Variants in AMDHD2 observed in about 807,000 individuals in gnomAD.
AMDHD2 encodes amidohydrolase domain containing 2.
AMDHD2 carries 24 observed loss-of-function variants against 41.8 expected under a neutral mutation model. The ratio of observed to expected loss-of-function variants is 0.57; its 90% confidence interval spans 0.42 to 0.81. The LOEUF (loss-of-function observed/expected upper bound fraction) is 0.81. Ranked by LOEUF, AMDHD2 falls within the 30% of genes least tolerant of loss-of-function variation. AMDHD2 has a pLI of 0.00. For missense variants in AMDHD2, 540 were observed against 588.5 expected, an observed-to-expected ratio of 0.92 and a Z score of 0.85; for synonymous variants, 332 against 255.5, an observed-to-expected ratio of 1.30 and a Z score of -2.85.
At chr16:2,528,032 G>A (rs1334878830) in intron 5 of AMDHD2, 28 bp from the exon 6 acceptor site, 2 of 1,611,830 alleles carry the variant, frequency 1.2e-6, no homozygotes, top group Admixed American at 1.7e-5. Flanking sequence ...CCTGGGCCAG[G>A]TGCAAAGTCT....
chr16:2,529,171 A>G (rs1265454949), intron 10 of AMDHD2, 76 bp downstream of exon 10: 2 of 1,349,090 alleles, frequency 1.5e-6, no homozygotes, highest in East Asian at 2.6e-5. Flanking sequence ...CGGCCTGGAC[A>G]GGGCCAGGGA....
At chr16:2,525,152 G>A (rs2065987238) in intron 3 of AMDHD2, among the ~76,000 whole-genome samples, 1 of 151,902 alleles carries the variant, frequency 6.6e-6, no homozygotes, top group Non-Finnish European at 1.5e-5. Flanking sequence ...TGCCTCCTGA[G>A]TTTAAGTGAT....
rs114084319 is a variant in AMDHD2 at position 2,524,610 on chromosome 16, G to A, written c.361-2951G>A. On this transcript the variant is annotated intron_variant, in intron 3 of 10. Coordinates refer to ENST00000293971, the MANE Select transcript of AMDHD2 (RefSeq NM_001330449.2). ...TGTTTTTTTCCTGTTTTAATCTTTA[G>A]TGAGCCTGTGTATCCATAGGGCTTG... Among the ~76,000 whole-genome samples, 459 of 152,172 alleles carry A rather than the reference G, an allele frequency of 3.0e-3. 4 individuals are homozygous for A. The highest frequency in any genetic ancestry group is 0.011 in the African/African-American group (437 of 41,494).
At chr16:2,528,181 G>A in intron 6 of AMDHD2, 33 bp downstream of exon 6, 1 of 1,612,374 alleles carries the variant, frequency 6.2e-7, no homozygotes, top group African/African-American at 1.3e-5. Flanking sequence ...GGCGGGGCTG[G>A]GGTCCCAGCA....
At position 2,527,239 on chromosome 16, in the gene AMDHD2, C is replaced by CCCTGCTGCTCCCAGGAG. The variant is rs375957676; in HGVS notation, c.361-318_361-302dup. 9.1e-3 allele frequency: 4,248 copies of CCCTGCTGCTCCCAGGAG among 466,318 alleles called. 160 individuals carry two copies. The highest frequency in any genetic ancestry group is 0.076 in the African/African-American group (3,795 of 49,676). The allele number at this position is 466,318 out of a possible 1,614,324, so 28.9% of individuals were successfully genotyped here. A position where few individuals can be genotyped will look rare whatever the true frequency, so the allele number is the denominator to read the frequency against. On this transcript the variant is annotated intron_variant, in intron 3 of 10. Coordinates refer to ENST00000293971, the MANE Select transcript of AMDHD2 (RefSeq NM_001330449.2). The surrounding 1 kb of genome is among the most constrained non-coding windows in gnomAD (Gnocchi z 6.1). ...CCCACACTGAGCTCTGCCCCAGGGT[C>CCCTGCTGCTCCCAGGAG]CCTGCTGCTCCCAGGAGCCTCCTGC...
chr16:2,520,948 G>C (rs778903580), intron 2 of AMDHD2, 36 bp from the exon 3 acceptor site: 61 of 1,598,244 alleles, frequency 3.8e-5, no homozygotes, highest in Non-Finnish European at 5.2e-5. Context: ...GAGGAGCTCT[G>C]AGCTCCATGC....
chr16:2,528,876 C>A, intron 9 of AMDHD2, 118 bp from the exon 10 acceptor site: 1 of 1,480,710 alleles, frequency 6.8e-7, no homozygotes, highest in South Asian at 1.2e-5. Context: ...GGCAGACCAG[C>A]AGGGTCCTTG....
rs1398176557 is a variant in AMDHD2, at chr16:2,529,343, G to A, written c.1142-132G>A. 5 of 1,409,856 alleles carry A rather than the reference G, an allele frequency of 3.5e-6. No homozygotes were observed. In the African/African-American group the frequency reaches 7.0e-5, roughly 20 times the overall value. The allele number at this position is 1,409,856 out of a possible 1,614,324, so 87.3% of individuals were successfully genotyped here. A position where few individuals can be genotyped will look rare whatever the true frequency, so the allele number is the denominator to read the frequency against. On this transcript the variant is annotated intron_variant, in intron 10 of 10. Transcript: ENST00000293971. The stretch of plus-strand genomic sequence containing the variant: ...CAGTACCTCTGTCCATCTGTGATGG[G>A]TCAGGGTGTCTTGCACTAGTCGTGT...
At chr16:2,526,797 G>A (rs569801406) in intron 3 of AMDHD2, among the ~76,000 whole-genome samples, 6 of 152,250 alleles carry the variant, frequency 3.9e-5, no homozygotes, top group Admixed American at 1.3e-4. Flanking sequence ...GAGCATGGTC[G>A]TGCACGCCTG....
Position 2,530,627 on chromosome 16 carries a change from G to T in AMDHD2, c.*1064G>T. 1.2e-6 allele frequency: 2 copies of T among 1,614,164 alleles called. No homozygotes were observed. Among genetic ancestry groups the T allele is most frequent in the Non-Finnish European group, 1.7e-6 (2 of 1,180,028 alleles). On this transcript the variant is annotated 3_prime_UTR_variant, in exon 11 of 11. Coordinates refer to ENST00000293971, the MANE Select transcript of AMDHD2 (RefSeq NM_001330449.2). ...GAGGTACGCGCCTGGCTCTGCCACT[G>T]TTCTCTTCCCTCTGCTGCAAAGCCC...
chr16:2,529,396 T>C (rs1597000400), intron 10 of AMDHD2, 79 bp from the exon 11 acceptor site: 2 of 1,584,294 alleles, frequency 1.3e-6, no homozygotes, highest in Admixed American at 3.3e-5. Context: ...CCCACCAGCG[T>C]CGGGTTGTTG....
At chr16:2,529,306 G>C in intron 10 of AMDHD2, 169 bp from the exon 11 acceptor site, 1 of 1,176,100 alleles carries the variant, frequency 8.5e-7, no homozygotes, top group Non-Finnish European at 1.2e-6. Context: ...AGGGGTTGCA[G>C]GGAGCATTGT....
rs1352602571 is a variant in AMDHD2 at position 2,527,858 on chromosome 16, C to T, written c.501C>T (p.Ala167=). The change falls in exon 5 of 11, where the codon GCC becomes GCT. Residue 167 remains alanine, a synonymous_variant. Transcript: ENST00000293971. The surrounding 1 kb of genome is among the most constrained non-coding windows in gnomAD (Gnocchi z 6.1). The part of the protein sequence containing the change: ...EAHLRSFEAD[A]FQDLLATYGP... Reference sequence around the variant, plus strand: ...ACCTCCGCTCCTTCGAGGCCGATGCCTTCCAGGACTTGCTGGCCACCTACG... The same window carrying T: ...ACCTCCGCTCCTTCGAGGCCGATGCTTTCCAGGACTTGCTGGCCACCTACG... The T allele has an allele frequency of 6.3e-7, 1 of 1,597,618 alleles. No individual in the cohort carries two copies. Among genetic ancestry groups the T allele is most frequent in the South Asian group, 1.1e-5 (1 of 90,864 alleles).
At position 2,527,189 on chromosome 16, in the gene AMDHD2, C is replaced by G. The variant is rs1474253966; in HGVS notation, c.361-372C>G. ...CCAGCTCCGGCCATGGTGTGGACCACACACAGTGCTGAGCCCTGGCCATGC... is the reference window on the plus strand; with the variant it reads ...CCAGCTCCGGCCATGGTGTGGACCAGACACAGTGCTGAGCCCTGGCCATGC... On this transcript the variant is annotated intron_variant, in intron 3 of 10. Transcript: ENST00000293971. This position sits in a 1 kb window ranked among gnomAD's most constrained non-coding sequence, Gnocchi z 6.1. 3 of 332,808 alleles carry G rather than the reference C, an allele frequency of 9.0e-6. No individual in the cohort carries two copies. The allele number at this position is 332,808 out of a possible 1,614,324, so 20.6% of individuals were successfully genotyped here. A position where few individuals can be genotyped will look rare whatever the true frequency, so the allele number is the denominator to read the frequency against.
At chr16:2,528,431 T>A (rs2066036722) in intron 7 of AMDHD2, 21 bp from the exon 8 acceptor site, 4 of 1,612,758 alleles carry the variant, frequency 2.5e-6, no homozygotes, top group Non-Finnish European at 2.5e-6. Flanking sequence ...GCTAGCAGGT[T>A]CTGAGCCTCT....
Position 2,527,235 on chromosome 16 carries a change from G to T in AMDHD2, c.361-326G>T. ...CATGCCCACACTGAGCTCTGCCCCA[G>T]GGTCCCTGCTGCTCCCAGGAGCCTC... On this transcript the variant is annotated intron_variant, in intron 3 of 10. Transcript: ENST00000293971. The surrounding 1 kb of genome is among the most constrained non-coding windows in gnomAD (Gnocchi z 6.1). 2.2e-6 allele frequency: 1 copy of T among 454,962 alleles called. No individual in the cohort carries two copies. The highest frequency in any genetic ancestry group is 3.9e-6 in the Non-Finnish European group (1 of 256,806). The allele number at this position is 454,962 out of a possible 1,614,324, so 28.2% of individuals were successfully genotyped here.
rs2066094680 is a variant in AMDHD2, at chr16:2,531,370, G to C, written c.*1807G>C. 2.0e-6 allele frequency: 1 copy of C among 503,922 alleles called. No homozygotes were observed. The highest frequency in any genetic ancestry group is 4.3e-5 in the South Asian group (1 of 23,422). 31.2% of individuals were successfully genotyped at this position (503,922 alleles called of 1,614,324 possible). ...AAGCACTCTTGGTTGGTTTTGGTTT[G>C]CTTTTTAAAAATTGTGGTAAAATAC... is the stretch of plus-strand genomic sequence containing the variant. On this transcript the variant is annotated 3_prime_UTR_variant, in exon 11 of 11. Transcript: ENST00000293971.
rs542669611 is a variant in AMDHD2, at chr16:2,520,866, C to T, written c.181C>T (p.Arg61Cys). ...CGACGAGCGGCGGGACTGCGGGGGC[C>T]GCATCTTGGCTCCCGGATTCATCGA... The part of the protein sequence containing the change: ...VADERRDCGG[R>C]ILAPGFIDVQ... Residue 61 changes from arginine to cysteine, a missense_variant, in exon 2 of 11, where the codon CGC (arginine) becomes TGC (cysteine). Physicochemically the swap from Arg to Cys is radical, Grantham distance 180 (BLOSUM62 -3). Transcript: ENST00000293971. 2 of 1,608,844 alleles carry T rather than the reference C, an allele frequency of 1.2e-6. No homozygotes were observed. Among genetic ancestry groups the T allele is most frequent in the East Asian group, 2.2e-5 (1 of 44,516 alleles).
intron 10 of AMDHD2, 115 bp downstream of exon 10, chr16:2,529,210 CAGGT>C: frequency 2.6e-6 from 3 of 1,142,730 alleles, no homozygotes; most frequent in South Asian, 3.3e-5. Context: ...TCCCTCCTCT[CAGGT>C]GGGCTGCCGG....
Sources: allele counts gnomAD v4.1 joint callset (sites outside exome capture counted in the v4.1 genomes callset), GRCh38; gene constraint gnomAD v4.1.1; non-coding constraint Gnocchi (gnomAD v3.1); transcripts MANE v1.5; gene names NCBI Gene and HGNC (gene_info 2026-07-23, HGNC 2026-07-21).